The following OPCML variants were observed in gnomAD, a reference collection of about 807,000 sequenced individuals.
OPCML encodes opioid-binding protein/cell adhesion molecule.
OPCML carries 13 observed loss-of-function variants against 37.8 expected under a neutral mutation model. The observed-to-expected ratio is 0.34, with a 90% CI of 0.22 to 0.55. The LOEUF (loss-of-function observed/expected upper bound fraction) is 0.55. Ranked by LOEUF, OPCML falls within the 20% of genes least tolerant of loss-of-function variation. The pLI, the probability that OPCML is intolerant of heterozygous loss-of-function variation, is 0.91. For missense variants in OPCML, 341 were observed against 435.6 expected (o/e 0.78, Z 1.93); for synonymous variants, 176 against 168.8 (o/e 1.04, Z -0.33).
chr11:132,440,740 G>T (rs914979379), intron 4 of OPCML, among the ~76,000 whole-genome samples: 1 of 152,182 alleles, frequency 6.6e-6, no homozygotes, highest in Admixed American at 6.5e-5. Flanking sequence ...GGAAAATGTT[G>T]TTGAAACTTC....
chr11:132,560,986 T>C (rs2096409493), intron 3 of OPCML, among the ~76,000 whole-genome samples: 1 of 152,214 alleles, frequency 6.6e-6, no homozygotes, highest in Non-Finnish European at 1.5e-5. Flanking sequence ...ATGAAGACTT[T>C]GCATAAGCCA....
At chr11:132,472,455 G>A (rs1445525785) in intron 4 of OPCML, among the ~76,000 whole-genome samples, 9 of 152,218 alleles carry the variant, frequency 5.9e-5, no homozygotes, top group Non-Finnish European at 1.0e-4. Flanking sequence ...ACAATGTTCT[G>A]TAATGAAGTC....
At chr11:132,725,844 A>C (rs1412594665) in intron 2 of OPCML, among the ~76,000 whole-genome samples, 1 of 152,100 alleles carries the variant, frequency 6.6e-6, no homozygotes, top group Non-Finnish European at 1.5e-5. Flanking sequence ...TCTCACGTTC[A>C]AAGTTCCACA....
intron 3 of OPCML, among the ~76,000 whole-genome samples, chr11:132,615,638 T>G (rs769850736): frequency 6.6e-6 from 1 of 152,232 alleles, no homozygotes; most frequent in East Asian, 1.9e-4. Context: ...GTTCATAGAT[T>G]AAATGCAAGT....
At chr11:133,327,372 T>C (rs1347430686) in intron 1 of OPCML, among the ~76,000 whole-genome samples, 1 of 151,948 alleles carries the variant, frequency 6.6e-6, no homozygotes, top group African/African-American at 2.4e-5. Context: ...ACTGCTTGTG[T>C]TTCAGTGTAT....
intron 1 of OPCML, among the ~76,000 whole-genome samples, chr11:133,341,790 C>A (rs1030160554): frequency 8.5e-5 from 13 of 152,052 alleles, no homozygotes; most frequent in Non-Finnish European, 1.9e-4. Context: ...TTAGTGGTGG[C>A]ACCTGTAATC....
At chr11:133,036,023 C>T (rs1259461397) in intron 1 of OPCML, among the ~76,000 whole-genome samples, 2 of 152,170 alleles carry the variant, frequency 1.3e-5, no homozygotes, top group African/African-American at 4.8e-5. Context: ...TCCTGTATTA[C>T]TTTGTTAAGG....
At chr11:133,238,765 G>C (rs954863649) in intron 1 of OPCML, among the ~76,000 whole-genome samples, 1 of 152,066 alleles carries the variant, frequency 6.6e-6, no homozygotes, top group Non-Finnish European at 1.5e-5. Flanking sequence ...CCAGTCCTTC[G>C]GGGAAAAAAA....
At chr11:133,306,869 T>C (rs1024111887) in intron 1 of OPCML, among the ~76,000 whole-genome samples, 2 of 152,216 alleles carry the variant, frequency 1.3e-5, no homozygotes, top group Non-Finnish European at 2.9e-5. Flanking sequence ...TCTGGTTTTA[T>C]CCTTAACCAA....
chr11:132,510,618 C>T (rs965066217), intron 4 of OPCML, among the ~76,000 whole-genome samples: 1 of 152,140 alleles, frequency 6.6e-6, no homozygotes, highest in Non-Finnish European at 1.5e-5. Context: ...GGGCTTTCCA[C>T]TTTTGCTTCT....
chr11:133,239,233 C>T (rs1006891177), intron 1 of OPCML, among the ~76,000 whole-genome samples: 4 of 152,344 alleles, frequency 2.6e-5, no homozygotes, highest in South Asian at 2.1e-4. Context: ...GGTCAGATGT[C>T]GCTGGTTGAC....
At chr11:133,375,981 G>GA (rs1318947299) in intron 1 of OPCML, among the ~76,000 whole-genome samples, 4 of 152,172 alleles carry the variant, frequency 2.6e-5, no homozygotes, top group African/African-American at 4.8e-5. Flanking sequence ...CAGAGCCAGG[G>GA]AGCAGAAACT....
chr11:132,544,106 C>G (rs940000608), intron 3 of OPCML, among the ~76,000 whole-genome samples: 2 of 151,988 alleles, frequency 1.3e-5, no homozygotes, highest in Non-Finnish European at 2.9e-5. Flanking sequence ...ATATTCAATA[C>G]CGGCCTAAGT....
intron 1 of OPCML, among the ~76,000 whole-genome samples, chr11:133,367,571 G>C (rs1452389191): frequency 6.6e-6 from 1 of 152,216 alleles, no homozygotes; most frequent in Admixed American, 6.5e-5. Context: ...AAAAGCCACA[G>C]AGGCATAATC....
chr11:132,538,742 C>G, intron 3 of OPCML, among the ~76,000 whole-genome samples: 1 of 152,194 alleles, frequency 6.6e-6, no homozygotes. Context: ...CCCCATTTCT[C>G]ATTACTTGCC....
At chr11:133,420,213 G>A in intron 1 of OPCML, 2 of 972,898 alleles carry the variant, frequency 2.1e-6, no homozygotes, top group Non-Finnish European at 1.2e-6. Flanking sequence ...TTTCCTCAGA[G>A]ATCTGATAGT....
chr11:132,922,492 C>T (rs987823665), intron 2 of OPCML, among the ~76,000 whole-genome samples: 5 of 151,998 alleles, frequency 3.3e-5, no homozygotes, highest in Non-Finnish European at 7.4e-5. Context: ...GACGGAGCAC[C>T]GAGACCAGGA....
chr11:132,903,060 T>C (rs930059689), intron 2 of OPCML, among the ~76,000 whole-genome samples: 1 of 152,216 alleles, frequency 6.6e-6, no homozygotes, highest in Non-Finnish European at 1.5e-5. Context: ...CTCATACTTG[T>C]CTACATCCCC....
intron 1 of OPCML, among the ~76,000 whole-genome samples, chr11:133,032,474 T>C (rs1181015911): frequency 6.6e-6 from 1 of 152,210 alleles, no homozygotes; most frequent in East Asian, 1.9e-4. Flanking sequence ...AAAAGGCACA[T>C]GCTTGTATTG....
Sources: allele counts gnomAD v4.1 joint callset (sites outside exome capture counted in the v4.1 genomes callset), GRCh38; gene constraint gnomAD v4.1.1; transcripts MANE v1.5; gene names NCBI Gene and HGNC (gene_info 2026-07-23, HGNC 2026-07-21).